Variants in GALNT18 observed in about 807,000 individuals in gnomAD.
GALNT18 encodes the protein GalNAc-transferase 18.
GALNT18 carries 44 observed loss-of-function variants against 69.5 expected under a neutral mutation model. The observed-to-expected ratio is 0.63, with a 90% CI of 0.50 to 0.81. The LOEUF (loss-of-function observed/expected upper bound fraction) is 0.81, where lower values mean the gene tolerates loss of function less well. Among genes scored for constraint, GALNT18 ranks in the 40% least tolerant of loss-of-function variants. GALNT18 has a pLI of 0.00. For missense variants in GALNT18, 715 were observed against 810.0 expected, an observed-to-expected ratio of 0.88 and a Z score of 1.42; for synonymous variants, 364 against 318.2, an observed-to-expected ratio of 1.14 and a Z score of -1.53.
chr11:11,433,976 G>A (rs1321027934), intron 2 of GALNT18, among the ~76,000 whole-genome samples: 2 of 152,020 alleles, frequency 1.3e-5, no homozygotes, highest in Non-Finnish European at 2.9e-5. Context: ...ATGCAATAAT[G>A]AGCATAATTG....
chr11:11,430,861 C>G lies in GALNT18; in HGVS notation c.595+1760G>C, dbSNP rs148948408. ...CCTTCTTCAAGATGCCCTTTTCCCC[C>G]GCCAATATAATAAAGCATGACCAAA... On this transcript the variant is annotated intron_variant, in intron 3 of 10. Transcript: ENST00000227756. The surrounding 1 kb of genome is among the most constrained non-coding windows in gnomAD (Gnocchi z 4.9). Among the ~76,000 whole-genome samples, 1 of 152,170 alleles carries G rather than the reference C, an allele frequency of 6.6e-6. No individual in the cohort carries two copies. The highest frequency in any genetic ancestry group is 1.5e-5 in the Non-Finnish European group (1 of 68,032).
At chr11:11,498,782 G>A (rs1236150348) in intron 1 of GALNT18, among the ~76,000 whole-genome samples, 2 of 152,214 alleles carry the variant, frequency 1.3e-5, no homozygotes, top group African/African-American at 2.4e-5. Context: ...CTGGGCAACA[G>A]AGTGAGACTC....
In GALNT18 at chr11:11,326,107, C is replaced by T. The variant is rs569499977; in HGVS notation, c.1512+979G>A. On this transcript the variant is annotated intron_variant, in intron 9 of 10. Transcript: ENST00000227756. ...TCGCCCAGGCCGGACTGCAGTAGTG[C>T]GATCTCAGCTCACTGCAAGCTCTGC... Among the ~76,000 whole-genome samples the T allele has an allele frequency of 6.3e-5, 9 of 142,766 alleles. No individual in the cohort carries two copies. In the South Asian group the frequency reaches 6.6e-4, roughly 10 times the overall value. 93.7% of individuals were successfully genotyped at this position (142,766 alleles called of 152,430 possible). A position where few individuals can be genotyped will look rare whatever the true frequency, so the allele number is the denominator to read the frequency against.
chr11:11,293,093 G>A lies in GALNT18; in HGVS notation c.1613C>T (p.Pro538Leu), dbSNP rs1435049528. The change falls in exon 10 of 11, where the codon CCC becomes CTC. Residue 538 changes from proline to leucine, a missense_variant. By Grantham distance (98) the Pro-to-Leu change is moderately conservative. Coordinates refer to ENST00000227756, the MANE Select transcript of GALNT18 (RefSeq NM_198516.3). The part of the protein sequence containing the change: ...NRCLVDVNSR[P>L]RLIECSYAKA... ...GGCGTAGCTGCATTCGATGAGCCGGGGCCGGCTGTTGACGTCCACCAGGCA... is the reference window on the plus strand; with the variant it reads ...GGCGTAGCTGCATTCGATGAGCCGGAGCCGGCTGTTGACGTCCACCAGGCA... 7.2e-7 allele frequency: 1 copy of A among 1,382,556 alleles called. No homozygotes were observed. The highest frequency in any genetic ancestry group is 9.4e-7 in the Non-Finnish European group (1 of 1,059,356). The allele number at this position is 1,382,556 out of a possible 1,614,324, so 85.6% of individuals were successfully genotyped here.
intron 3 of GALNT18, among the ~76,000 whole-genome samples, chr11:11,429,425 T>C (rs953344295): frequency 6.6e-6 from 1 of 152,184 alleles, no homozygotes; most frequent in Admixed American, 6.5e-5. Flanking sequence ...CTTTAATTAC[T>C]CCACGCGTGA....
rs1380761768 is a variant in GALNT18 at position 11,377,076 on chromosome 11, T to G, written c.977+106A>C. 28 of 1,070,274 alleles carry G rather than the reference T, an allele frequency of 2.6e-5. No homozygotes were observed. Among genetic ancestry groups the G allele is most frequent in the Non-Finnish European group, 3.9e-5 (28 of 717,042 alleles). 66.3% of individuals were successfully genotyped at this position (1,070,274 alleles called of 1,614,324 possible). On this transcript the variant is annotated intron_variant, in intron 5 of 10. Coordinates refer to ENST00000227756, the MANE Select transcript of GALNT18 (RefSeq NM_198516.3). This position sits in a 1 kb window ranked among gnomAD's most constrained non-coding sequence, Gnocchi z 4.6. ...TTCCTTTCGACCCTGCCCACCCCTG[T>G]CATCCCCACGATGGGGCTCAAGTTG...
Position 11,309,090 on chromosome 11 carries a change from G to A in GALNT18, c.1513-15897C>T, listed in dbSNP as rs1350440733. On this transcript the variant is annotated intron_variant, in intron 9 of 10. Transcript: ENST00000227756. This position sits in a 1 kb window ranked among gnomAD's most constrained non-coding sequence, Gnocchi z 4.6. ...AATGGAAGGTGTTTGGATCACTGGA[G>A]CACTGCCCTCATGAATGGATTAGTG... Among the ~76,000 whole-genome samples the A allele has an allele frequency of 2.6e-5, 4 of 151,908 alleles. No individual in the cohort carries two copies. Among genetic ancestry groups the A allele is most frequent in the Non-Finnish European group, 5.9e-5 (4 of 67,932 alleles).
chr11:11,285,223 G>T (rs997475633), intron 10 of GALNT18, among the ~76,000 whole-genome samples: 2 of 152,096 alleles, frequency 1.3e-5, no homozygotes, highest in African/African-American at 4.8e-5. Flanking sequence ...AGGGACCATG[G>T]TATGGTGGTT....
rs1223674310 is a variant in GALNT18 at position 11,468,218 on chromosome 11, T to G, written c.236-19282A>C. Among the ~76,000 whole-genome samples, 5 of 152,256 alleles carry G rather than the reference T, an allele frequency of 3.3e-5. No individual in the cohort carries two copies. The East Asian group carries it at 9.6e-4, about 29-fold the overall frequency. ...CACAGCCTTTGGAAGTTTAATAACT[T>G]ATGACTGCAAGGTCTGTTTTCCTCA... On this transcript the variant is annotated intron_variant, in intron 1 of 10. Transcript: ENST00000227756.
chr11:11,369,925 C>T (rs58300163), intron 6 of GALNT18, among the ~76,000 whole-genome samples: 2,084 of 152,034 alleles, frequency 0.014, 52 homozygotes, highest in African/African-American at 0.047. Context: ...TTTTTTGAGA[C>T]GGTGCTCAAA....
At chr11:11,529,336 G>A (rs1857588694) in intron 1 of GALNT18, among the ~76,000 whole-genome samples, 1 of 152,172 alleles carries the variant, frequency 6.6e-6, no homozygotes, top group Non-Finnish European at 1.5e-5. Context: ...TACCTGAATA[G>A]AACAAAAGGC....
chr11:11,483,457 G>A (rs12293824), intron 1 of GALNT18, among the ~76,000 whole-genome samples: 14,994 of 152,222 alleles, frequency 0.099, 900 homozygotes, highest in African/African-American at 0.15. Context: ...CACTTGAAAC[G>A]TCTTGGTCGA....
intron 1 of GALNT18, among the ~76,000 whole-genome samples, chr11:11,545,433 G>A (rs959300597): frequency 6.6e-6 from 1 of 152,222 alleles, no homozygotes; most frequent in East Asian, 1.9e-4. Flanking sequence ...ACCCCATGAT[G>A]GGAAATTCCA....
intron 1 of GALNT18, among the ~76,000 whole-genome samples, chr11:11,532,951 G>T (rs1457534871): frequency 6.6e-6 from 1 of 152,190 alleles, no homozygotes; most frequent in Non-Finnish European, 1.5e-5. Flanking sequence ...CTACATAATT[G>T]CCATAATAAT....
intron 6 of GALNT18, among the ~76,000 whole-genome samples, chr11:11,357,737 T>G (rs1163549582): frequency 1.3e-5 from 2 of 152,158 alleles, no homozygotes; most frequent in African/African-American, 4.8e-5. Context: ...TCTGGTTTCC[T>G]GTGATTCTTG....
rs139263603 is a variant in GALNT18, at chr11:11,339,465, G to A, written c.1278+1354C>T. Among the ~76,000 whole-genome samples the A allele has an allele frequency of 1.0e-3, 157 of 152,214 alleles. 1 individual carries two copies. The highest frequency in any genetic ancestry group is 3.6e-3 in the African/African-American group (149 of 41,530). ...CACTCACCAGTCCTAAGCAGAACCT[G>A]GGGACCTGCTATGCCTCACTGGTGA... On this transcript the variant is annotated intron_variant, in intron 7 of 10. Coordinates refer to ENST00000227756, the MANE Select transcript of GALNT18 (RefSeq NM_198516.3). The surrounding 1 kb of genome is among the most constrained non-coding windows in gnomAD (Gnocchi z 5.2).
chr11:11,376,380 T>TCAAAAACAAAAACAAAAA (rs78747646), intron 5 of GALNT18, among the ~76,000 whole-genome samples: 9,585 of 151,130 alleles, frequency 0.063, 438 homozygotes, highest in Middle Eastern at 0.23. Flanking sequence ...AGACTCCGTC[T>TCAAAAACAAAAACAAAAA]CAAAAACAAA....
intron 10 of GALNT18, 82 bp downstream of exon 10, chr11:11,292,947 T>TCCA: frequency 7.9e-7 from 1 of 1,265,126 alleles, no homozygotes; most frequent in South Asian, 2.7e-5. Context: ...TCCCCTCTCC[T>TCCA]CCACCACCTC....
rs149221299 is a variant in GALNT18, at chr11:11,439,063, G to T, written c.429-6276C>A. The stretch of plus-strand genomic sequence containing the variant: ...AGGCAGCCTAGCACAGAAGCTCTGC[G>T]TAGCTGGATCTAGTAATTTTAAAGA... On this transcript the variant is annotated intron_variant, in intron 2 of 10. Transcript: ENST00000227756. This position sits in a 1 kb window ranked among gnomAD's most constrained non-coding sequence, Gnocchi z 4.4. Among the ~76,000 whole-genome samples, 2 of 152,200 alleles carry T rather than the reference G, an allele frequency of 1.3e-5. No individual in the cohort carries two copies. The highest frequency in any genetic ancestry group is 2.9e-5 in the Non-Finnish European group (2 of 68,040).
Sources: allele counts gnomAD v4.1 joint callset (sites outside exome capture counted in the v4.1 genomes callset), GRCh38; gene constraint gnomAD v4.1.1; non-coding constraint Gnocchi (gnomAD v3.1); transcripts MANE v1.5; gene names NCBI Gene and HGNC (gene_info 2026-07-23, HGNC 2026-07-21).